Variants in DMGDH observed in about 807,000 individuals in gnomAD.
The protein encoded by DMGDH is dimethylglycine dehydrogenase, also known as dimethylglycine dehydrogenase, mitochondrial.
DMGDH carries 76 observed loss-of-function variants against 95.2 expected under a neutral mutation model. The ratio of observed to expected loss-of-function variants is 0.80; its 90% confidence interval spans 0.66 to 0.97. The LOEUF (loss-of-function observed/expected upper bound fraction) is 0.97, where lower values mean the gene tolerates loss of function less well. Ranked by LOEUF, DMGDH falls within the 50% of genes least tolerant of loss-of-function variation. The probability of loss-of-function intolerance (pLI) is 0.00; values close to 1 mark genes in which losing one functional copy is unlikely to be tolerated. For synonymous variants in DMGDH, 345 were observed against 377.6 expected (o/e 0.91, Z 1.00); for missense variants, 987 against 1,055.0 (o/e 0.94, Z 0.89).
At chr5:79,058,496 C>G (rs1266840721) in intron 2 of DMGDH, among the ~76,000 whole-genome samples, 1 of 152,144 alleles carries the variant, frequency 6.6e-6, no homozygotes, top group Non-Finnish European at 1.5e-5. Context: ...GGTTATGAAA[C>G]TTTCATACAG....
At chr5:79,026,657 A>G (rs1402356952) in intron 12 of DMGDH, 76 bp from the exon 13 acceptor site, 3 of 1,587,492 alleles carry the variant, frequency 1.9e-6, no homozygotes, top group East Asian at 2.3e-5. Flanking sequence ...GCTAGAACAC[A>G]TATAAGCAGG....
At chr5:79,007,528 A>C (rs530926678) in intron 14 of DMGDH, among the ~76,000 whole-genome samples, 1 of 152,326 alleles carries the variant, frequency 6.6e-6, no homozygotes, top group East Asian at 1.9e-4. Context: ...GGAGACTTGC[A>C]ATCATAGAAT....
intron 2 of DMGDH, among the ~76,000 whole-genome samples, chr5:79,059,621 A>G (rs907554311): frequency 2.6e-5 from 4 of 152,232 alleles, no homozygotes; most frequent in Admixed American, 1.3e-4. Flanking sequence ...GAGTTTTTCT[A>G]TGTGATACAT....
intron 13 of DMGDH, 28 bp downstream of exon 13, chr5:79,026,396 T>C (rs1338072581): frequency 6.2e-7 from 1 of 1,613,948 alleles, no homozygotes; most frequent in South Asian, 1.1e-5. Context: ...AAACATAAAA[T>C]GTTAATAAAG....
chr5:79,042,236 A>T, intron 7 of DMGDH, 47 bp downstream of exon 7: 1 of 1,559,756 alleles, frequency 6.4e-7, no homozygotes, highest in Non-Finnish European at 8.8e-7. Flanking sequence ...GATTTAGCTA[A>T]AATAAGTGAT....
intron 13 of DMGDH, among the ~76,000 whole-genome samples, chr5:79,024,545 A>G (rs1485973283): frequency 6.6e-6 from 1 of 152,288 alleles, no homozygotes; most frequent in African/African-American, 2.4e-5. Context: ...TAACAAATAT[A>G]GAAACTAAAA....
intron 13 of DMGDH, among the ~76,000 whole-genome samples, chr5:79,025,808 A>G (rs1374481469): frequency 2.0e-5 from 3 of 152,232 alleles, no homozygotes; most frequent in Non-Finnish European, 4.4e-5. Context: ...AAGTAGGAGA[A>G]CAGAGTTTAA....
chr5:79,018,614 T>A (rs1338627380), intron 14 of DMGDH, among the ~76,000 whole-genome samples: 2 of 152,208 alleles, frequency 1.3e-5, no homozygotes, highest in Non-Finnish European at 2.9e-5. Flanking sequence ...GTTTCACTGC[T>A]GTATCATGTA....
intron 14 of DMGDH, among the ~76,000 whole-genome samples, chr5:79,007,664 C>T (rs10514151): frequency 0.19 from 28,831 of 152,110 alleles, 5,077 homozygotes; most frequent in African/African-American, 0.46. Flanking sequence ...AATTGACTTA[C>T]ACGGTGTGAT....
At position 79,028,382 on chromosome 5, in the gene DMGDH, A is replaced by G. The variant is rs188501382; in HGVS notation, c.2032+51T>C. On this transcript the variant is annotated intron_variant, in intron 12 of 15. Coordinates refer to ENST00000255189, the MANE Select transcript of DMGDH (RefSeq NM_013391.3). Reference sequence around the variant, plus strand: ...TTTAATTTTAAATTTTAAATTTTAAATTGACCTTTTAAATTTCAGAGACTT... The same window carrying G: ...TTTAATTTTAAATTTTAAATTTTAAGTTGACCTTTTAAATTTCAGAGACTT... 1.1e-4 allele frequency: 168 copies of G among 1,479,512 alleles called. No individual in the cohort carries two copies. In the African/African-American group the frequency reaches 2.1e-3, roughly 18 times the overall value. The allele number at this position is 1,479,512 out of a possible 1,614,324, so 91.6% of individuals were successfully genotyped here.
intron 1 of DMGDH, among the ~76,000 whole-genome samples, chr5:79,067,052 TG>T (rs1462611812): frequency 6.6e-6 from 1 of 152,230 alleles, no homozygotes; most frequent in Non-Finnish European, 1.5e-5. Context: ...GGATATTTAT[TG>T]TTTTCAGTGG....
At position 79,051,321 on chromosome 5, in the gene DMGDH, C is replaced by T. The variant is rs753967144; in HGVS notation, c.711G>A (p.Gly237=). Residue 237 remains glycine, a synonymous_variant, in exon 5 of 16, where the codon GGG becomes GGA. Transcript: ENST00000255189. ...DGTWDVETPQ[G]SMRANRIVNA... ...TCACAATTCTATTTGCTCTCATAGA[C>T]CCCTGTGGTGTTTCAACGTCCCATG... 3 of 1,614,192 alleles carry T rather than the reference C, an allele frequency of 1.9e-6. No individual in the cohort carries two copies. Among genetic ancestry groups the T allele is most frequent in the Non-Finnish European group, 1.7e-6 (2 of 1,180,034 alleles).
At chr5:79,016,323 T>C (rs1753734074) in intron 14 of DMGDH, among the ~76,000 whole-genome samples, 2 of 151,990 alleles carry the variant, frequency 1.3e-5, no homozygotes, top group South Asian at 2.1e-4. Flanking sequence ...TTATACAACA[T>C]GATTGTCCAT....
At chr5:79,069,359 G>C (rs987102488) in intron 1 of DMGDH, among the ~76,000 whole-genome samples, 161 bp downstream of exon 1, 4 of 152,184 alleles carry the variant, frequency 2.6e-5, no homozygotes, top group African/African-American at 7.2e-5. Flanking sequence ...GGGAACCTTT[G>C]GATACTGTTT....
At chr5:79,015,049 T>G (rs1370828671) in intron 14 of DMGDH, among the ~76,000 whole-genome samples, 1 of 152,086 alleles carries the variant, frequency 6.6e-6, no homozygotes, top group East Asian at 1.9e-4. Flanking sequence ...TCCAAAGCCA[T>G]ACTTGCAGAG....
chr5:79,009,036 T>C (rs1331619356), intron 14 of DMGDH, among the ~76,000 whole-genome samples: 1 of 152,200 alleles, frequency 6.6e-6, no homozygotes, highest in African/African-American at 2.4e-5. Context: ...GAGTCTATCA[T>C]TAGAAAGCAC....
intron 1 of DMGDH, among the ~76,000 whole-genome samples, chr5:79,067,890 T>C (rs1313705641): frequency 1.3e-5 from 2 of 152,204 alleles, no homozygotes; most frequent in African/African-American, 2.4e-5. Flanking sequence ...ATATAAAGAA[T>C]ATGCAATTGA....
At chr5:79,002,813 C>A (rs1173910504) in intron 15 of DMGDH, among the ~76,000 whole-genome samples, 4 of 152,046 alleles carry the variant, frequency 2.6e-5, no homozygotes, top group Non-Finnish European at 4.4e-5. Flanking sequence ...GAAAAAGGAT[C>A]AAAAAGAAGA....
chr5:79,035,023 C>G (rs956746702), intron 7 of DMGDH, among the ~76,000 whole-genome samples: 4 of 135,064 alleles, frequency 3.0e-5, no homozygotes, highest in Non-Finnish European at 6.2e-5. Context: ...CGCCACTGCA[C>G]TCCAACCTGG....
Sources: allele counts gnomAD v4.1 joint callset (sites outside exome capture counted in the v4.1 genomes callset), GRCh38; gene constraint gnomAD v4.1.1; transcripts MANE v1.5; gene names NCBI Gene and HGNC (gene_info 2026-07-23, HGNC 2026-07-21).